Variants in BICDL1 observed in about 807,000 individuals in gnomAD.
The protein encoded by BICDL1 is BICD family like cargo adaptor 1.
BICDL1 carries 20 observed loss-of-function variants against 76.8 expected under a neutral mutation model. The observed-to-expected ratio is 0.26, with a 90% CI of 0.18 to 0.38. The LOEUF is 0.38. Ranked by LOEUF, BICDL1 falls within the 10% of genes least tolerant of loss-of-function variation. The pLI, the probability that BICDL1 is intolerant of heterozygous loss-of-function variation, is 1.00. For missense variants in BICDL1, 700 were observed against 798.6 expected, an observed-to-expected ratio of 0.88 and a Z score of 1.49; for synonymous variants, 383 against 337.1, an observed-to-expected ratio of 1.14 and a Z score of -1.49.
At chr12:119,996,294 A>G (rs775522907) in intron 1 of BICDL1, among the ~76,000 whole-genome samples, 18 of 152,136 alleles carry the variant, frequency 1.2e-4, no homozygotes, top group Non-Finnish European at 2.2e-4. Flanking sequence ...ACTGCTCTCA[A>G]TCATGGTAAA....
chr12:120,045,297 A>G (rs1455520627), intron 2 of BICDL1, among the ~76,000 whole-genome samples: 1 of 152,172 alleles, frequency 6.6e-6, no homozygotes, highest in Non-Finnish European at 1.5e-5. Context: ...GTGGAGAAAT[A>G]GGAACACTTT....
chr12:120,054,176 T>G (rs10774539), intron 2 of BICDL1, among the ~76,000 whole-genome samples: 123,749 of 151,462 alleles, frequency 0.82, 50,689 homozygotes, highest in East Asian at 0.99. Flanking sequence ...GGGTTCAAGC[T>G]ATTCTCCTGC....
At chr12:120,057,193 T>C (rs935344001) in intron 2 of BICDL1, 2 of 488,406 alleles carry the variant, frequency 4.1e-6, no homozygotes, top group Non-Finnish European at 8.1e-6. Flanking sequence ...GACTTGTAAG[T>C]TTGTAGAGAC....
chr12:120,010,555 T>C (rs1303886983), intron 2 of BICDL1, among the ~76,000 whole-genome samples: 1 of 152,212 alleles, frequency 6.6e-6, no homozygotes, highest in African/African-American at 2.4e-5. Context: ...TCAGCGGTTC[T>C]CAAACTATTC....
At chr12:120,038,377 A>G (rs934163235) in intron 2 of BICDL1, among the ~76,000 whole-genome samples, 14 of 152,212 alleles carry the variant, frequency 9.2e-5, no homozygotes, top group Admixed American at 2.0e-4. Context: ...GAAATGACTT[A>G]TAACACATCC....
intron 8 of BICDL1, among the ~76,000 whole-genome samples, 193 bp from the exon 9 acceptor site, chr12:120,089,758 G>A (rs1016965417): frequency 1.3e-5 from 2 of 152,218 alleles, no homozygotes; most frequent in African/African-American, 4.8e-5. Context: ...TGAAAACTGG[G>A]AGAATATATG....
intron 7 of BICDL1, among the ~76,000 whole-genome samples, chr12:120,078,705 C>G (rs758311078): frequency 1.3e-5 from 2 of 152,238 alleles, no homozygotes; most frequent in Non-Finnish European, 2.9e-5. Flanking sequence ...AGGCACATGT[C>G]TGGTAGGCTG....
intron 2 of BICDL1, among the ~76,000 whole-genome samples, chr12:120,052,169 C>T (rs535412555): frequency 6.6e-6 from 1 of 152,008 alleles, no homozygotes; most frequent in Non-Finnish European, 1.5e-5. Context: ...GTCTTGAACT[C>T]CTGACCTCGT....
At chr12:119,990,776 C>T (rs549610403) in intron 1 of BICDL1, among the ~76,000 whole-genome samples, 34 of 152,254 alleles carry the variant, frequency 2.2e-4, no homozygotes, top group African/African-American at 7.7e-4. Context: ...AAACAAGTGC[C>T]CCTAAAGGAG....
At chr12:120,005,651 G>A (rs1594103350) in intron 2 of BICDL1, among the ~76,000 whole-genome samples, 1 of 152,324 alleles carries the variant, frequency 6.6e-6, no homozygotes, top group Non-Finnish European at 1.5e-5. Flanking sequence ...TTACAGGTGT[G>A]AGCCACCACG....
At chr12:120,007,577 G>A (rs1485927064) in intron 2 of BICDL1, among the ~76,000 whole-genome samples, 1 of 152,178 alleles carries the variant, frequency 6.6e-6, no homozygotes, top group Non-Finnish European at 1.5e-5. Flanking sequence ...CCTGTTTGGA[G>A]CTGTTTTCCT....
chr12:120,064,990 G>A, intron 4 of BICDL1, 111 bp downstream of exon 4: 2 of 1,277,250 alleles, frequency 1.6e-6, no homozygotes, highest in Non-Finnish European at 2.2e-6. Context: ...GCTGGGAGTG[G>A]ATGATGCTGA....
chr12:120,043,253 C>T (rs1952680292), intron 2 of BICDL1, among the ~76,000 whole-genome samples: 3 of 152,164 alleles, frequency 2.0e-5, no homozygotes, highest in African/African-American at 7.2e-5. Context: ...TTGAATTCAA[C>T]CCAGACTAAC....
Position 120,071,739 on chromosome 12 carries a change from T to G in BICDL1, c.1027T>G (p.Ser343Ala). The change falls in exon 5 of 10, where the codon TCC (serine) becomes GCC (alanine). Residue 343 changes from serine to alanine, a missense_variant. Physicochemically the swap from Ser to Ala is moderately conservative, Grantham distance 99. Transcript: ENST00000548673. The surrounding 1 kb of genome is among the most constrained non-coding windows in gnomAD (Gnocchi z 4.8). ...GCAGAGCTCTGCCGCCACCAGCACA[T>G]CCCTCCTGTCAGAGATCGAGCAGAG... is the stretch of plus-strand genomic sequence containing the variant. The part of the protein sequence containing the change: ...SLQSSAATST[S>A]LLSEIEQSME... The G allele has an allele frequency of 2.5e-6, 4 of 1,612,196 alleles. No homozygotes were observed. Among genetic ancestry groups the G allele is most frequent in the Non-Finnish European group, 3.4e-6 (4 of 1,179,862 alleles).
chr12:120,035,059 G>A (rs1298924638), intron 2 of BICDL1, among the ~76,000 whole-genome samples: 3 of 152,188 alleles, frequency 2.0e-5, no homozygotes, highest in Non-Finnish European at 4.4e-5. Flanking sequence ...GGAGAGGCTG[G>A]GCATGGTGGC....
intron 3 of BICDL1, among the ~76,000 whole-genome samples, chr12:120,064,181 C>T (rs1953168074): frequency 6.6e-6 from 1 of 152,146 alleles, no homozygotes; most frequent in African/African-American, 2.4e-5. Flanking sequence ...GTTTTCTGTA[C>T]CCTGGGAGCT....
At position 120,081,256 on chromosome 12, in the gene BICDL1, T is replaced by A. The variant is rs140898643; in HGVS notation, c.1583+239T>A. On this transcript the variant is annotated intron_variant, in intron 8 of 9. Transcript: ENST00000548673. Reference sequence around the variant, plus strand: ...TCTTTTTCTTATGCATATGTAGGTGTGTAGGCAATGTAGTTATTATGTGTT... The same window carrying A: ...TCTTTTTCTTATGCATATGTAGGTGAGTAGGCAATGTAGTTATTATGTGTT... Among the ~76,000 whole-genome samples the A allele has an allele frequency of 2.0e-5, 3 of 150,056 alleles. No individual in the cohort carries two copies. In the East Asian group the frequency reaches 5.9e-4, roughly 30 times the overall value.
Position 119,990,122 on chromosome 12 carries a change from A to G in BICDL1, c.254A>G (p.Glu85Gly). The change falls in exon 1 of 10, where the codon GAG (glutamate) becomes GGG (glycine). Residue 85 changes from glutamate to glycine, a missense_variant. By Grantham distance (98) the Glu-to-Gly change is moderately conservative (BLOSUM62 -2). Around this residue, in one of 3 missense-constraint regions of BICDL1, gnomAD observed 225 missense variants for 199.6 expected, o/e 1.13. Transcript: ENST00000548673. ...CAGGCCGAGCCTGGGTCTCTGGCCG[A>G]GGGGGCCGGACCGCAGCCGCCGCCC... The part of the protein sequence containing the change: ...HPQAEPGSLA[E>G]GAGPQPPPSQ... 1.3e-6 allele frequency: 2 copies of G among 1,549,342 alleles called. No homozygotes were observed. Among genetic ancestry groups the G allele is most frequent in the Non-Finnish European group, 1.7e-6 (2 of 1,146,802 alleles).
chr12:119,998,855 G>A (rs1190015970), intron 2 of BICDL1, 119 bp downstream of exon 2: 18 of 917,890 alleles, frequency 2.0e-5, no homozygotes, highest in Non-Finnish European at 2.8e-5. Context: ...AAGCACTTCA[G>A]ACCAATCTGG....
Sources: gnomAD v4.1 joint callset for allele counts (sites outside exome capture counted in the v4.1 genomes callset) on GRCh38, gnomAD v4.1.1 for gene constraint, gnomAD v4.1.1 regional missense constraint, Gnocchi (gnomAD v3.1) non-coding constraint, MANE v1.5 for transcripts, NCBI Gene and HGNC (gene_info 2026-07-23, HGNC 2026-07-21) for gene names.